Variants in ELOVL7 observed in about 807,000 individuals in gnomAD.
ELOVL7 encodes very long chain fatty acid elongase 7.
In ELOVL7, 27 loss-of-function variants were observed where a neutral mutation model predicts 35.7. The ratio of observed to expected loss-of-function variants is 0.76; its 90% CI spans 0.56 to 1.04. The LOEUF (loss-of-function observed/expected upper bound fraction) is 1.04. Ranked by LOEUF, ELOVL7 falls within the 50% of genes least tolerant of loss-of-function variation. ELOVL7 has a pLI of 0.00. For synonymous variants in ELOVL7, 113 were observed against 114.6 expected (o/e 0.99, Z 0.09); for missense variants, 327 against 340.8 (o/e 0.96, Z 0.32).
At chr5:60,813,540 C>G (rs1482369592) in intron 1 of ELOVL7, among the ~76,000 whole-genome samples, 2 of 152,126 alleles carry the variant, frequency 1.3e-5, no homozygotes, top group Non-Finnish European at 2.9e-5. Context: ...CTACTGCCCT[C>G]CAATGTAAAA....
intron 8 of ELOVL7, among the ~76,000 whole-genome samples, chr5:60,755,779 A>G (rs1741505822): frequency 6.6e-6 from 1 of 152,216 alleles, no homozygotes; most frequent in Non-Finnish European, 1.5e-5. Flanking sequence ...CACAGTCCCA[A>G]GAGGGACCTT....
chr5:60,842,515 G>C (rs1337732488), intron 1 of ELOVL7, among the ~76,000 whole-genome samples: 1 of 151,078 alleles, frequency 6.6e-6, no homozygotes, highest in Non-Finnish European at 1.5e-5. Flanking sequence ...AAAAAGCGGG[G>C]GCAGGGGGAG....
rs1362686517 is a variant in ELOVL7, at chr5:60,771,927, G to T, written c.231C>A (p.Leu77=). The T allele has an allele frequency of 3.1e-6, 5 of 1,612,560 alleles. No individual in the cohort carries two copies. Among genetic ancestry groups the T allele is most frequent in the Non-Finnish European group, 4.2e-6 (5 of 1,179,304 alleles). Residue 77 remains leucine, a synonymous_variant, in exon 4 of 9, where the codon CTC becomes CTA. Coordinates refer to ENST00000508821, the MANE Select transcript of ELOVL7 (RefSeq NM_024930.3). ...CCTCATAACACATATACACAGAAAA[G>T]AGTACTATGAAAAAATTGTACGTTA... The part of the protein sequence containing the change: ...AMITYNFFIV[L]FSVYMCYEFV...
chr5:60,766,505 AAAGATCAAACATTT>A lies in ELOVL7; in HGVS notation c.393+55_393+68del, dbSNP rs530153891. The A allele has an allele frequency of 7.1e-4, 977 of 1,373,902 alleles. 1 individual carries two copies. Among genetic ancestry groups the A allele is most frequent in the Admixed American group, 1.4e-3 (69 of 48,474 alleles). 85.1% of individuals were successfully genotyped at this position (1,373,902 alleles called of 1,614,324 possible). ...CTACAGCAGTTTATTGGTTTCACTG[AAAGATCAAACATTT>A]AAGATCAAACATTTAAGATCAAACA... is the stretch of plus-strand genomic sequence containing the variant. On this transcript the variant is annotated intron_variant, in intron 6 of 8. Transcript: ENST00000508821.
intron 2 of ELOVL7, among the ~76,000 whole-genome samples, chr5:60,795,586 G>C (rs1009454769): frequency 6.6e-6 from 1 of 152,174 alleles, no homozygotes; most frequent in African/African-American, 2.4e-5. Context: ...GTCCGTGTTT[G>C]TTCTGGCTCA....
At chr5:60,796,470 G>C (rs1017935633) in intron 2 of ELOVL7, among the ~76,000 whole-genome samples, 1 of 152,204 alleles carries the variant, frequency 6.6e-6, no homozygotes, top group African/African-American at 2.4e-5. Context: ...CCATCCACGA[G>C]TGCCAGGAAC....
At chr5:60,763,479 G>T (rs1232207442) in intron 7 of ELOVL7, among the ~76,000 whole-genome samples, 1 of 152,128 alleles carries the variant, frequency 6.6e-6, no homozygotes, top group African/African-American at 2.4e-5. Flanking sequence ...TCTATTTGAA[G>T]ACTTTTAAAA....
intron 2 of ELOVL7, among the ~76,000 whole-genome samples, chr5:60,792,910 C>T (rs1020965042): frequency 2.6e-5 from 4 of 152,176 alleles, no homozygotes; most frequent in Non-Finnish European, 5.9e-5. Flanking sequence ...AAATGATCTA[C>T]AAACCTATCC....
At chr5:60,806,058 G>A (rs563737728) in intron 1 of ELOVL7, among the ~76,000 whole-genome samples, 3 of 152,146 alleles carry the variant, frequency 2.0e-5, no homozygotes, top group Non-Finnish European at 2.9e-5. Context: ...AGGTCATTAG[G>A]TGGTCCCTAA....
chr5:60,817,460 G>A (rs1033366764), intron 1 of ELOVL7, among the ~76,000 whole-genome samples: 2 of 151,236 alleles, frequency 1.3e-5, no homozygotes, highest in African/African-American at 4.8e-5. Flanking sequence ...TCAAAGTCTG[G>A]AGAAACAGGC....
chr5:60,816,186 C>A (rs973099378), intron 1 of ELOVL7, among the ~76,000 whole-genome samples: 1 of 152,122 alleles, frequency 6.6e-6, no homozygotes, highest in Non-Finnish European at 1.5e-5. Context: ...TTGAGACCAG[C>A]CTGGCCAACA....
Position 60,764,216 on chromosome 5 carries a change from C to T in ELOVL7, c.499+11G>A, listed in dbSNP as rs778408814. On this transcript the variant is annotated intron_variant, in intron 7 of 8. Coordinates refer to ENST00000508821, the MANE Select transcript of ELOVL7 (RefSeq NM_024930.3). ...GTTTATAACACATGATCCCAAATTT[C>T]CCTTGTCTACCTGCAGCAAATTTGA... 5 of 1,581,494 alleles carry T rather than the reference C, an allele frequency of 3.2e-6. No individual in the cohort carries two copies. In the South Asian group the frequency reaches 5.6e-5, roughly 18 times the overall value.
intron 7 of ELOVL7, among the ~76,000 whole-genome samples, chr5:60,762,762 AAAG>A (rs1366972330): frequency 1.3e-5 from 2 of 152,232 alleles, no homozygotes; most frequent in African/African-American, 4.8e-5. Flanking sequence ...GACGCTTAAC[AAAG>A]AAGATGAGCT....
chr5:60,754,930 C>T, intron 8 of ELOVL7, 97 bp from the exon 9 acceptor site: 1 of 944,060 alleles, frequency 1.1e-6, no homozygotes, highest in South Asian at 1.6e-5. Context: ...GCAGGGAGTG[C>T]ACTATTGGGC....
At chr5:60,834,194 T>G (rs1579942536) in intron 1 of ELOVL7, among the ~76,000 whole-genome samples, 1 of 152,040 alleles carries the variant, frequency 6.6e-6, no homozygotes, top group African/African-American at 2.4e-5. Context: ...CAGGCTGGAG[T>G]GCAGTGGCAT....
intron 1 of ELOVL7, among the ~76,000 whole-genome samples, chr5:60,822,066 G>A (rs1745921372): frequency 6.6e-6 from 1 of 152,220 alleles, no homozygotes; most frequent in South Asian, 2.1e-4. Flanking sequence ...CTGGGACAAT[G>A]CAACAATGCA....
At chr5:60,840,423 T>C (rs564192152) in intron 1 of ELOVL7, among the ~76,000 whole-genome samples, 2 of 152,342 alleles carry the variant, frequency 1.3e-5, no homozygotes, top group African/African-American at 2.4e-5. Flanking sequence ...CAGAGATTGC[T>C]GCTGTCACCA....
intron 1 of ELOVL7, among the ~76,000 whole-genome samples, chr5:60,843,176 A>C (rs1431180388): frequency 1.3e-5 from 2 of 152,076 alleles, no homozygotes; most frequent in African/African-American, 4.8e-5. Flanking sequence ...CTGGCGAGGA[A>C]CTCGGGTCGC....
chr5:60,836,825 C>G (rs1332487094), intron 1 of ELOVL7, among the ~76,000 whole-genome samples: 1 of 151,950 alleles, frequency 6.6e-6, no homozygotes, highest in Non-Finnish European at 1.5e-5. Flanking sequence ...GTCTAGATCT[C>G]ACGTTTCTAC....
Sources: allele counts gnomAD v4.1 joint callset (sites outside exome capture counted in the v4.1 genomes callset), GRCh38; gene constraint gnomAD v4.1.1; transcripts MANE v1.5; gene names NCBI Gene and HGNC (gene_info 2026-07-23, HGNC 2026-07-21).